PCNA: variants seen among roughly 807,000 people sequenced by gnomAD.
The protein encoded by PCNA is proliferating cell nuclear antigen.
Under a neutral mutation model 27.8 loss-of-function variants are expected in PCNA, and 4 were observed. The observed-to-expected ratio is 0.14, with a 90% CI of 0.07 to 0.33. PCNA has a LOEUF of 0.33. PCNA is among the 10% of genes least tolerant of loss of function. The pLI, the probability that PCNA is intolerant of heterozygous loss-of-function variation, is 1.00. For synonymous variants in PCNA, 121 were observed against 119.4 expected (o/e 1.01, Z -0.09); for missense variants, 165 against 327.4 (o/e 0.50, Z 3.83).
Position 5,119,830 on chromosome 20 carries a change from C to G in PCNA, c.-32G>C, listed in dbSNP as rs920084091. ...GGAGTGGCAACAACGCCGCTACAGGCAGGCGGGAAGGAGGAAAGTCTAGCT... is the reference window on the plus strand; with the variant it reads ...GGAGTGGCAACAACGCCGCTACAGGGAGGCGGGAAGGAGGAAAGTCTAGCT... On this transcript the variant is annotated 5_prime_UTR_variant, in exon 1 of 6. Coordinates refer to ENST00000379143, the MANE Select transcript of PCNA (RefSeq NM_182649.2). 1 of 1,517,762 alleles carries G rather than the reference C, an allele frequency of 6.6e-7. No individual in the cohort carries two copies. Among genetic ancestry groups the G allele is most frequent in the African/African-American group, 1.4e-5 (1 of 72,530 alleles). The allele number at this position is 1,517,762 out of a possible 1,614,324, so 94.0% of individuals were successfully genotyped here.
At chr20:5,119,980 C>T (rs1364375623), upstream of PCNA, 9 of 602,186 alleles carry the variant, frequency 1.5e-5, no homozygotes, top group African/African-American at 7.4e-5. Context: ...CGCAAGCGCG[C>T]GCTCTCACCC....
upstream of PCNA, among the ~76,000 whole-genome samples, chr20:5,120,660 CAT>C (rs1023122931): frequency 2.6e-4 from 40 of 152,092 alleles, no homozygotes; most frequent in African/African-American, 8.0e-4. Flanking sequence ...CTCTTTAAAA[CAT>C]AGCATCACAT....
At chr20:5,126,156 T>G (rs1483364422) in intron 1 of PCNA, among the ~76,000 whole-genome samples, 1 of 152,060 alleles carries the variant, frequency 6.6e-6, no homozygotes. Context: ...TGAGTCGAGA[T>G]CATGCCACTG....
chr20:5,121,259 A>T (rs1326099709), upstream of PCNA, among the ~76,000 whole-genome samples: 3 of 151,932 alleles, frequency 2.0e-5, no homozygotes, highest in Non-Finnish European at 4.4e-5. Context: ...CTAGGTATGG[A>T]GTTAGTTTTA....
At chr20:5,124,976 G>A (rs555984936) in intron 1 of PCNA, among the ~76,000 whole-genome samples, 2 of 152,188 alleles carry the variant, frequency 1.3e-5, no homozygotes, top group Non-Finnish European at 2.9e-5. Context: ...CACTCACTTA[G>A]ATATGACCTT....
At chr20:5,119,968 T>C, upstream of PCNA, 1 of 614,412 alleles carries the variant, frequency 1.6e-6, no homozygotes, top group Non-Finnish European at 2.9e-6. Context: ...TGCCGCCGCG[T>C]CCGCAAGCGC....
intron 4 of PCNA, among the ~76,000 whole-genome samples, chr20:5,116,309 A>G (rs1038341760): frequency 3.9e-5 from 6 of 152,156 alleles, no homozygotes; most frequent in Non-Finnish European, 7.3e-5. Context: ...GCCTGGGTGG[A>G]CAGAGCAAGA....
chr20:5,124,751 A>G (rs1010534545), upstream of PCNA, among the ~76,000 whole-genome samples: 1 of 152,238 alleles, frequency 6.6e-6, no homozygotes, highest in Non-Finnish European at 1.5e-5. Flanking sequence ...TTCGTCACAC[A>G]GTACTGACTT....
At chr20:5,122,648 T>G (rs2090524969), upstream of PCNA, among the ~76,000 whole-genome samples, 1 of 152,210 alleles carries the variant, frequency 6.6e-6, no homozygotes, top group African/African-American at 2.4e-5. Context: ...TTTTCCTTTC[T>G]TGGGTCCGTT....
At chr20:5,118,980 T>TG in intron 1 of PCNA, 114 bp from the exon 2 acceptor site, 1 of 709,176 alleles carries the variant, frequency 1.4e-6, no homozygotes, top group Non-Finnish European at 2.5e-6. Flanking sequence ...TCAGAACTGG[T>TG]GGAGGGTAAG....
At chr20:5,123,523 C>T (rs1210050934), upstream of PCNA, among the ~76,000 whole-genome samples, 2 of 151,816 alleles carry the variant, frequency 1.3e-5, no homozygotes, top group South Asian at 4.2e-4. Context: ...GGTGAAACCC[C>T]GTCTCTACTA....
At chr20:5,123,557 T>A (rs907126302), upstream of PCNA, among the ~76,000 whole-genome samples, 1 of 152,024 alleles carries the variant, frequency 6.6e-6, no homozygotes, top group African/African-American at 2.4e-5. Flanking sequence ...TAGCTGGGCG[T>A]GGTGGTGCAC....
intron 1 of PCNA, 61 bp from the exon 2 acceptor site, chr20:5,118,927 A>T: frequency 8.3e-7 from 1 of 1,208,302 alleles, no homozygotes; most frequent in East Asian, 2.3e-5. Flanking sequence ...CTGTATTTCG[A>T]ACGCGGTTAG....
upstream of PCNA, chr20:5,121,366 C>T (rs2090516439): frequency 6.9e-6 from 1 of 145,128 alleles, no homozygotes; most frequent in Non-Finnish European, 1.5e-5. Context: ...TATTCTTTAT[C>T]TCTGGAATGC....
intron 1 of PCNA, 36 bp downstream of exon 1, chr20:5,119,542 G>T (rs1034948714): frequency 6.4e-7 from 1 of 1,558,532 alleles, no homozygotes; most frequent in South Asian, 1.1e-5. Flanking sequence ...AGGTGCAGGC[G>T]GGCCGGGGCC....
chr20:5,118,728 T>C (rs1166187553), intron 2 of PCNA, 41 bp downstream of exon 2: 6 of 1,607,886 alleles, frequency 3.7e-6, no homozygotes, highest in Admixed American at 1.7e-5. Flanking sequence ...AGAGTTTTGA[T>C]TTTCTGTAGC....
intron 3 of PCNA, among the ~76,000 whole-genome samples, chr20:5,118,128 T>A (rs1600447826): frequency 1.3e-5 from 2 of 152,230 alleles, no homozygotes; most frequent in East Asian, 3.8e-4. Flanking sequence ...TCATGGAAGT[T>A]AATGCAAATA....
At position 5,116,382 on chromosome 20, in the gene PCNA, G is replaced by A. The variant is rs1315076349; in HGVS notation, c.583-810C>T. Among the ~76,000 whole-genome samples, 3 of 152,104 alleles carry A rather than the reference G, an allele frequency of 2.0e-5. No individual in the cohort carries two copies. The East Asian group carries it at 5.8e-4, about 29-fold the overall frequency. ...AAACGAGGTTGGCAGGAGTGGAAAT[G>A]TGATTCAGGAAACAGATAAAGAATC... On this transcript the variant is annotated intron_variant, in intron 4 of 5. Transcript: ENST00000379143.
At position 5,118,880 on chromosome 20, in the gene PCNA, G is replaced by A; in HGVS notation, c.222-14C>T. ...ATTTTGGACATACTAGAAGACAGGAGACACATGCTTTAAAATCAACGCCGT... is the reference window on the plus strand; with the variant it reads ...ATTTTGGACATACTAGAAGACAGGAAACACATGCTTTAAAATCAACGCCGT... On this transcript the variant is annotated splice_polypyrimidine_tract_variant and intron_variant, in intron 1 of 5. Coordinates refer to ENST00000379143, the MANE Select transcript of PCNA (RefSeq NM_182649.2). The A allele has an allele frequency of 6.4e-7, 1 of 1,563,424 alleles. No homozygotes were observed. The highest frequency in any genetic ancestry group is 8.8e-7 in the Non-Finnish European group (1 of 1,135,814).
Sources: gnomAD v4.1 joint callset for allele counts (sites outside exome capture counted in the v4.1 genomes callset) on GRCh38, gnomAD v4.1.1 for gene constraint, MANE v1.5 for transcripts, NCBI Gene and HGNC (gene_info 2026-07-23, HGNC 2026-07-21) for gene names.